DYM: variants seen among roughly 807,000 people sequenced by gnomAD.
DYM encodes the protein dymeclin, also known as dyggve-Melchior-Clausen syndrome protein.
A neutral mutation model predicts 93.1 loss-of-function variants in DYM; 78 were observed. That is an observed-to-expected ratio of 0.84 (90% confidence interval 0.70 to 1.01). The LOEUF (loss-of-function observed/expected upper bound fraction) is 1.01, where lower values mean the gene tolerates loss of function less well. Ranked by LOEUF, DYM falls within the 50% of genes least tolerant of loss-of-function variation. The probability of loss-of-function intolerance (pLI) is 0.00; values close to 1 mark genes in which losing one functional copy is unlikely to be tolerated. For missense variants in DYM, 789 were observed against 845.0 expected (o/e 0.93, Z 0.82); for synonymous variants, 321 against 319.7 (o/e 1.00, Z -0.04).
chr18:49,301,916 G>C (rs1420960076), intron 8 of DYM, among the ~76,000 whole-genome samples: 2 of 152,130 alleles, frequency 1.3e-5, no homozygotes, highest in Non-Finnish European at 2.9e-5. Flanking sequence ...GGAGTGACAG[G>C]CACCCTCTCC....
rs551850668 is a variant in DYM, at chr18:49,392,658, C to A, written c.141-1013G>T. On this transcript the variant is annotated intron_variant, in intron 2 of 17. Transcript: ENST00000675505. ...AAAACCAGAGCGAGATACTACTCCACACCCATTGGGATGGCTTTTATTTAA... is the reference window on the plus strand; with the variant it reads ...AAAACCAGAGCGAGATACTACTCCAAACCCATTGGGATGGCTTTTATTTAA... 2.1e-4 allele frequency among the ~76,000 whole-genome samples: 29 copies of A among 136,564 alleles called. No homozygotes were observed. The South Asian group carries it at 6.3e-3, about 30-fold the overall frequency. The allele number at this position is 136,564 out of a possible 152,430, so 89.6% of individuals were successfully genotyped here.
chr18:49,229,105 TATTA>T (rs1381260575), intron 13 of DYM, among the ~76,000 whole-genome samples: 1 of 150,964 alleles, frequency 6.6e-6, no homozygotes, highest in African/African-American at 2.4e-5. Flanking sequence ...CTATATTATT[TATTA>T]TTTGACAAAT....
intron 11 of DYM, among the ~76,000 whole-genome samples, chr18:49,270,702 C>T (rs550217376): frequency 6.6e-6 from 1 of 152,168 alleles, no homozygotes; most frequent in South Asian, 2.1e-4. Context: ...TAAATATACA[C>T]ACAAAAAATA....
At chr18:49,402,983 G>A (rs907119192) in intron 2 of DYM, among the ~76,000 whole-genome samples, 2 of 152,138 alleles carry the variant, frequency 1.3e-5, no homozygotes, top group African/African-American at 4.8e-5. Context: ...AGGTAAAAAT[G>A]CCACCAACTC....
At chr18:49,326,803 A>G (rs2062911702) in intron 8 of DYM, among the ~76,000 whole-genome samples, 1 of 152,150 alleles carries the variant, frequency 6.6e-6, no homozygotes, top group Non-Finnish European at 1.5e-5. Flanking sequence ...GAAAATATCC[A>G]TTTTCTTATT....
intron 8 of DYM, among the ~76,000 whole-genome samples, chr18:49,317,583 CT>C (rs2062043455): frequency 1.3e-3 from 16 of 12,136 alleles, no homozygotes; most frequent in African/African-American, 9.1e-3. Flanking sequence ...CTCTCTCTCT[CT>C]CTCTCTCTCT....
At chr18:49,383,870 C>T (rs1473016582) in intron 3 of DYM, among the ~76,000 whole-genome samples, 1 of 151,916 alleles carries the variant, frequency 6.6e-6, no homozygotes, top group African/African-American at 2.4e-5. Context: ...ACAACAGCAA[C>T]CAGAGGATAA....
At chr18:49,302,422 A>T (rs759168327) in intron 8 of DYM, among the ~76,000 whole-genome samples, 9 of 152,234 alleles carry the variant, frequency 5.9e-5, no homozygotes, top group Non-Finnish European at 1.2e-4. Context: ...TGCTTTAAAA[A>T]TTTTACTTAA....
chr18:49,348,838 G>C lies in DYM; in HGVS notation c.494+14323C>G, dbSNP rs2064854281. Among the ~76,000 whole-genome samples the C allele has an allele frequency of 6.6e-5, 10 of 150,916 alleles. No homozygotes were observed. In the South Asian group the frequency reaches 2.1e-3, roughly 32 times the overall value. On this transcript the variant is annotated intron_variant, in intron 6 of 17. Transcript: ENST00000675505. Reference sequence around the variant, plus strand: ...GCAGGAGAATCACTCGAACCCGGGAGGTGGAGATTGCAGTGAGCCATGATC... The same window carrying C: ...GCAGGAGAATCACTCGAACCCGGGACGTGGAGATTGCAGTGAGCCATGATC...
intron 10 of DYM, among the ~76,000 whole-genome samples, chr18:49,277,009 T>A: frequency 6.6e-6 from 1 of 152,148 alleles, no homozygotes; most frequent in Non-Finnish European, 1.5e-5. Flanking sequence ...TATGGGGGAA[T>A]GAGACAGAGG....
chr18:49,193,483 C>T (rs987020842), intron 14 of DYM, among the ~76,000 whole-genome samples: 2 of 152,150 alleles, frequency 1.3e-5, no homozygotes, highest in Non-Finnish European at 2.9e-5. Context: ...AAGATCAATA[C>T]AAGAATAGTC....
intron 17 of DYM, among the ~76,000 whole-genome samples, chr18:49,047,336 G>C (rs922599350): frequency 2.6e-5 from 4 of 152,198 alleles, no homozygotes; most frequent in Non-Finnish European, 4.4e-5. Flanking sequence ...CATCAGCGCA[G>C]GCTGGAAGTC....
rs377687997 is a variant in DYM, at chr18:49,324,719, G to T, written c.763+7145C>A. Among the ~76,000 whole-genome samples the T allele has an allele frequency of 1.5e-4, 23 of 152,266 alleles. No individual in the cohort carries two copies. The South Asian group carries it at 4.1e-3, about 27-fold the overall frequency. ...GTCCAGGATTTTCTGATCATTAGCT[G>T]TTGTTCTAATTAAATTTATTTTCTT... On this transcript the variant is annotated intron_variant, in intron 8 of 17. Coordinates refer to ENST00000675505, the MANE Select transcript of DYM (RefSeq NM_001353214.3).
chr18:49,317,619 C>CT (rs1426473105), intron 8 of DYM, among the ~76,000 whole-genome samples: 36 of 41,458 alleles, frequency 8.7e-4, no homozygotes, highest in African/African-American at 2.2e-3. Context: ...CTCCCTCCCT[C>CT]CCTCCCTCCC....
intron 1 of DYM, among the ~76,000 whole-genome samples, chr18:49,446,157 C>A (rs1396281040): frequency 6.6e-6 from 1 of 152,130 alleles, no homozygotes; most frequent in Admixed American, 6.5e-5. Flanking sequence ...TGCAGTGGCT[C>A]AGGCCTGTAA....
At chr18:49,132,746 G>A (rs2083479948) in intron 15 of DYM, among the ~76,000 whole-genome samples, 1 of 152,134 alleles carries the variant, frequency 6.6e-6, no homozygotes. Context: ...TACAATCCAA[G>A]TAATTTCAAG....
intron 1 of DYM, among the ~76,000 whole-genome samples, chr18:49,456,203 A>C (rs2082968856): frequency 6.6e-6 from 1 of 152,214 alleles, no homozygotes; most frequent in Non-Finnish European, 1.5e-5. Context: ...CAGTGTAAGA[A>C]ACTACAAGGA....
chr18:49,341,320 G>GA (rs1334371368), intron 6 of DYM, among the ~76,000 whole-genome samples: 4 of 151,720 alleles, frequency 2.6e-5, no homozygotes, highest in Admixed American at 6.6e-5. Flanking sequence ...GAAACCCCGT[G>GA]AAACTACTAA....
chr18:49,325,193 C>T (rs988533193), intron 8 of DYM, among the ~76,000 whole-genome samples: 8 of 152,134 alleles, frequency 5.3e-5, no homozygotes, highest in Admixed American at 4.6e-4. Context: ...GTGGGTAAGT[C>T]CTAAAACACA....
Sources: gnomAD v4.1 joint callset for allele counts (sites outside exome capture counted in the v4.1 genomes callset) on GRCh38, gnomAD v4.1.1 for gene constraint, MANE v1.5 for transcripts, NCBI Gene and HGNC (gene_info 2026-07-23, HGNC 2026-07-21) for gene names.